The following GC variants were observed in gnomAD, a reference collection of about 807,000 sequenced individuals.
GC encodes the protein vitamin D-binding protein.
A neutral mutation model predicts 56.7 loss-of-function variants in GC; 43 were observed. The observed-to-expected ratio is 0.76, with a 90% confidence interval of 0.59 to 0.98. The LOEUF is 0.98. Among genes scored for constraint, GC ranks in the 50% least tolerant of loss-of-function variants. GC has a pLI of 0.00. For missense variants in GC, 529 were observed against 545.9 expected (o/e 0.97, Z 0.31); for synonymous variants, 216 against 202.7 (o/e 1.07, Z -0.56).
intron 6 of GC, among the ~76,000 whole-genome samples, chr4:71,758,786 A>G (rs1741870725): frequency 6.6e-6 from 1 of 152,190 alleles, no homozygotes; most frequent in Admixed American, 6.5e-5. Flanking sequence ...GGTGAAAATG[A>G]CATTAAATTT....
At chr4:71,765,757 G>A (rs1340260530) in intron 3 of GC, 114 bp from the exon 4 acceptor site, 1 of 669,130 alleles carries the variant, frequency 1.5e-6, no homozygotes, top group Non-Finnish European at 2.6e-6. Context: ...TTATAACTAT[G>A]TATTCATGCC....
At chr4:71,754,341 C>T in intron 10 of GC, 70 bp downstream of exon 10, 1 of 739,612 alleles carries the variant, frequency 1.4e-6, no homozygotes, top group Non-Finnish European at 2.3e-6. Flanking sequence ...TTCAACTATG[C>T]TTTCAATTCA....
At chr4:71,802,223 T>A (rs1743268872) in intron 1 of GC, among the ~76,000 whole-genome samples, 1 of 152,208 alleles carries the variant, frequency 6.6e-6, no homozygotes. Flanking sequence ...TTTAATAGTC[T>A]TAGGTTATCT....
intron 1 of GC, among the ~76,000 whole-genome samples, chr4:71,779,300 G>GA (rs1456980532): frequency 6.6e-6 from 1 of 151,814 alleles, no homozygotes; most frequent in South Asian, 2.1e-4. Flanking sequence ...GTGCTAAGAA[G>GA]AAAAAATAAA....
At chr4:71,776,483 AC>A (rs751055383) in intron 1 of GC, among the ~76,000 whole-genome samples, 64 of 151,900 alleles carry the variant, frequency 4.2e-4, no homozygotes, top group Non-Finnish European at 7.5e-4. Flanking sequence ...AATGATGGCT[AC>A]TAGAGGCTGC....
intron 1 of GC, among the ~76,000 whole-genome samples, chr4:71,780,005 C>T (rs946102633): frequency 6.6e-6 from 1 of 151,802 alleles, no homozygotes; most frequent in African/African-American, 2.4e-5. Flanking sequence ...TAATAAAAAC[C>T]TCTTTTTGCC....
Position 71,793,495 on chromosome 4 carries a change from A to G in GC, c.22-9441T>C, listed in dbSNP as rs543185012. Reference sequence around the variant, plus strand: ...GTATAGGAATGCTTGTGATTTTTATACATTGATTTTGTATCCTGAGACTTT... The same window carrying G: ...GTATAGGAATGCTTGTGATTTTTATGCATTGATTTTGTATCCTGAGACTTT... On this transcript the variant is annotated intron_variant, in intron 1 of 13. Transcript: ENST00000504199. 9.9e-5 allele frequency among the ~76,000 whole-genome samples: 15 copies of G among 152,272 alleles called. No homozygotes were observed. The East Asian group carries it at 2.3e-3, about 23-fold the overall frequency.
chr4:71,759,133 C>A (rs1248383833), intron 6 of GC, among the ~76,000 whole-genome samples: 1 of 151,960 alleles, frequency 6.6e-6, no homozygotes, highest in African/African-American at 2.4e-5. Flanking sequence ...TTTTTTCAGG[C>A]TACATAATAT....
rs1034268668 is a variant in GC at position 71,754,907 on chromosome 4, T to G, written c.1164+71A>C. ...CATAAAAAAGTAGGCAGTGAGCAAG[T>G]TTTGGCCCATGAACTATAATTTTCC... On this transcript the variant is annotated intron_variant, in intron 9 of 12. Coordinates refer to ENST00000273951, the MANE Select transcript of GC (RefSeq NM_000583.4). 2.5e-5 allele frequency: 26 copies of G among 1,053,252 alleles called. No homozygotes were observed. The East Asian group carries it at 3.3e-4, about 13-fold the overall frequency. 65.2% of individuals were successfully genotyped at this position (1,053,252 alleles called of 1,614,324 possible).
chr4:71,756,994 G>T, intron 7 of GC, 80 bp from the exon 8 acceptor site: 1 of 941,664 alleles, frequency 1.1e-6, no homozygotes. Context: ...AGGCTTACAA[G>T]CTTTGGCATC....
intron 6 of GC, among the ~76,000 whole-genome samples, chr4:71,760,844 C>T (rs773655358): frequency 9.2e-5 from 14 of 152,172 alleles, no homozygotes; most frequent in African/African-American, 2.2e-4. Flanking sequence ...ATATGATTTG[C>T]TCCTCCTTGC....
chr4:71,759,095 C>A (rs1181157968), intron 6 of GC, among the ~76,000 whole-genome samples: 4 of 152,132 alleles, frequency 2.6e-5, no homozygotes, highest in Non-Finnish European at 5.9e-5. Context: ...CAAGGTTCAT[C>A]CTTGTAGCAC....
In GC at chr4:71,768,451, C is replaced by T. The variant is rs760329826; in HGVS notation, c.129-18G>A. ...CTAGTGACCTGAGGGGAAAATAAGA[C>T]AATATATCAATTAGAACTGAAAGGT... On this transcript the variant is annotated intron_variant, in intron 2 of 12. Transcript: ENST00000273951. The T allele has an allele frequency of 2.5e-6, 4 of 1,586,262 alleles. No individual in the cohort carries two copies. Among genetic ancestry groups the T allele is most frequent in the Non-Finnish European group, 2.6e-6 (3 of 1,165,542 alleles).
At chr4:71,756,965 T>C in intron 7 of GC, 51 bp from the exon 8 acceptor site, 1 of 1,254,770 alleles carries the variant, frequency 8.0e-7, no homozygotes, top group Non-Finnish European at 1.2e-6. Context: ...GATAGTCTAA[T>C]TAAAAATAAG....
intron 1 of GC, among the ~76,000 whole-genome samples, chr4:71,798,304 T>C (rs1471860451): frequency 6.6e-6 from 1 of 152,216 alleles, no homozygotes. Flanking sequence ...CTACATACTG[T>C]GTTTGCAGCA....
chr4:71,772,816 A>G (rs1417882096), intron 1 of GC, among the ~76,000 whole-genome samples: 1 of 152,138 alleles, frequency 6.6e-6, no homozygotes, highest in African/African-American at 2.4e-5. Context: ...CTGTTGCACC[A>G]TGATCTTTCA....
At position 71,793,585 on chromosome 4, in the gene GC, A is replaced by G. The variant is rs28824856; in HGVS notation, c.22-9531T>C. ...GACGATGGGGTTTTCTAAATATACA[A>G]TCATGTCATCTGCAAACAGGGACAA... On this transcript the variant is annotated intron_variant, in intron 1 of 13. Coordinates refer to the GC transcript ENST00000504199. Among the ~76,000 whole-genome samples the G allele has an allele frequency of 4.6e-4, 70 of 152,286 alleles. 1 individual carries two copies. The highest frequency in any genetic ancestry group is 1.5e-3 in the African/African-American group (61 of 41,570).
intron 12 of GC, among the ~76,000 whole-genome samples, chr4:71,743,840 T>C (rs541502991): frequency 1.3e-5 from 2 of 152,302 alleles, no homozygotes; most frequent in Admixed American, 1.3e-4. Flanking sequence ...AAACACTCAA[T>C]GCATGTTACC....
chr4:71,783,802 A>T (rs1287049076), intron 1 of GC, among the ~76,000 whole-genome samples, 159 bp downstream of exon 1: 1 of 151,696 alleles, frequency 6.6e-6, no homozygotes, highest in African/African-American at 2.4e-5. Flanking sequence ...ATTACATGGC[A>T]TCGTGGAGCT....
Sources: gnomAD v4.1 joint callset for allele counts (sites outside exome capture counted in the v4.1 genomes callset) on GRCh38, gnomAD v4.1.1 for gene constraint, MANE v1.5 for transcripts, NCBI Gene and HGNC (gene_info 2026-07-23, HGNC 2026-07-21) for gene names.